The following SCARA3 variants were observed in gnomAD, a reference collection of about 807,000 sequenced individuals.
SCARA3 encodes the protein cellular stress response gene protein.
Under a neutral mutation model 47.0 loss-of-function variants are expected in SCARA3, and 39 were observed. The ratio of observed to expected loss-of-function variants is 0.83; its 90% CI spans 0.64 to 1.08. SCARA3 has a LOEUF of 1.08. SCARA3 is among the 50% of genes least tolerant of loss of function. The pLI is 0.00. For missense variants in SCARA3, 724 were observed against 792.3 expected, an observed-to-expected ratio of 0.91 and a Z score of 1.04; for synonymous variants, 356 against 334.1, an observed-to-expected ratio of 1.07 and a Z score of -0.71.
intron 3 of SCARA3, among the ~76,000 whole-genome samples, chr8:27,652,397 C>G (rs978169977): frequency 2.0e-5 from 3 of 152,196 alleles, no homozygotes; most frequent in Admixed American, 1.3e-4. Flanking sequence ...CCATTCCACT[C>G]TTAGCTTCAA....
chr8:27,658,447 C>T (rs192364291), intron 4 of SCARA3, 49 bp from the exon 5 acceptor site: 64 of 1,489,226 alleles, frequency 4.3e-5, no homozygotes, highest in Middle Eastern at 1.8e-4. Context: ...GAGGAAGCGT[C>T]GTACCCTGGC....
chr8:27,644,948 T>C (rs1418574678), intron 1 of SCARA3, among the ~76,000 whole-genome samples: 1 of 152,158 alleles, frequency 6.6e-6, no homozygotes, highest in African/African-American at 2.4e-5. Flanking sequence ...ACAAGAACCC[T>C]TGGAGCTTCA....
chr8:27,667,518 G>A (rs144412835), intron 5 of SCARA3, among the ~76,000 whole-genome samples: 208 of 152,362 alleles, frequency 1.4e-3, no homozygotes, highest in African/African-American at 4.9e-3. Context: ...ATGGGGGAAG[G>A]AGATTGGGTC....
chr8:27,688,407 A>C, the SCARA3 span, among the ~76,000 whole-genome samples: 1 of 152,036 alleles, frequency 6.6e-6, no homozygotes. Flanking sequence ...GGCAAAAAAA[A>C]AAAACCAGCC....
At chr8:27,703,027 A>G in the SCARA3 span, 1 of 152,420 alleles carries the variant, frequency 6.6e-6, no homozygotes, top group Admixed American at 6.5e-5. Flanking sequence ...CCCAGAGGCC[A>G]GCTGGCACCC....
At chr8:27,639,921 A>T (rs566857866) in intron 1 of SCARA3, among the ~76,000 whole-genome samples, 8 of 152,150 alleles carry the variant, frequency 5.3e-5, no homozygotes, top group African/African-American at 1.9e-4. Flanking sequence ...CAAGGGCCAG[A>T]GGGGCTGAGT....
the SCARA3 span, among the ~76,000 whole-genome samples, chr8:27,726,017 T>C: frequency 2.0e-5 from 3 of 152,220 alleles, no homozygotes; most frequent in Non-Finnish European, 2.9e-5. Context: ...GATGCATTCA[T>C]GCCCAGGCTT....
At position 27,671,753 on chromosome 8, in the gene SCARA3, G is replaced by A. The variant is rs532726955; in HGVS notation, c.*402G>A. The A allele has an allele frequency of 1.1e-3, 1,162 of 1,010,688 alleles. 1 individual carries two copies. The highest frequency in any genetic ancestry group is 2.1e-3 in the Admixed American group (36 of 16,910). 62.6% of individuals were successfully genotyped at this position (1,010,688 alleles called of 1,614,324 possible). ...ACACACATGCACACATATATGCACA[G>A]GCACACACATGTACGCACACACACA... On this transcript the variant is annotated 3_prime_UTR_variant, in exon 6 of 6. Coordinates refer to ENST00000301904, the MANE Select transcript of SCARA3 (RefSeq NM_016240.3).
intron 5 of SCARA3, among the ~76,000 whole-genome samples, chr8:27,661,096 G>C (rs1801905036): frequency 6.6e-6 from 1 of 152,162 alleles, no homozygotes; most frequent in Non-Finnish European, 1.5e-5. Context: ...AGGGCAATCT[G>C]CTTGACCCAG....
At chr8:27,667,049 T>G (rs968125207) in intron 5 of SCARA3, among the ~76,000 whole-genome samples, 2 of 152,134 alleles carry the variant, frequency 1.3e-5, no homozygotes, top group Non-Finnish European at 2.9e-5. Flanking sequence ...TGAAGTGCCT[T>G]CCCTCAGCTC....
intron 1 of SCARA3, among the ~76,000 whole-genome samples, chr8:27,641,014 A>T (rs1046362397): frequency 6.6e-6 from 1 of 152,194 alleles, no homozygotes; most frequent in Non-Finnish European, 1.5e-5. Flanking sequence ...TTTTTAAAAA[A>T]TGGTTTCATA....
chr8:27,692,843 G>T, the SCARA3 span, among the ~76,000 whole-genome samples: 73,487 of 151,854 alleles, frequency 0.48, 18,077 homozygotes, highest in Middle Eastern at 0.61. Context: ...TCTTAATCTA[G>T]GCCGGGTATG....
downstream of SCARA3, among the ~76,000 whole-genome samples, chr8:27,673,202 G>A (rs149979741): frequency 1.8e-3 from 280 of 152,354 alleles, 1 homozygote; most frequent in African/African-American, 5.9e-3. Context: ...GCGTCTGAGG[G>A]AATTACTCAG....
the SCARA3 span, among the ~76,000 whole-genome samples, chr8:27,728,909 A>G: frequency 2.0e-5 from 3 of 152,130 alleles, no homozygotes. Flanking sequence ...AGTGGTTAGT[A>G]AAGGTGGTTA....
Position 27,672,539 on chromosome 8 carries a change from C to G in SCARA3, c.*1188C>G. 1.0e-6 allele frequency: 1 copy of G among 985,806 alleles called. No individual in the cohort carries two copies. The highest frequency in any genetic ancestry group is 1.2e-6 in the Non-Finnish European group (1 of 830,226). The allele number at this position is 985,806 out of a possible 1,614,324, so 61.1% of individuals were successfully genotyped here. On this transcript the variant is annotated 3_prime_UTR_variant, in exon 6 of 6. Transcript: ENST00000301904. ...CTCCCGCACACGGCTCTCCTGATCA[C>G]AGCTGCATGCCGACCTTGTCCCACC...
At chr8:27,690,931 C>G in the SCARA3 span, among the ~76,000 whole-genome samples, 2 of 152,098 alleles carry the variant, frequency 1.3e-5, no homozygotes, top group Admixed American at 1.3e-4. Flanking sequence ...GATCCTCCCT[C>G]CTTAGACACC....
chr8:27,674,974 A>G (rs76075308), downstream of SCARA3, among the ~76,000 whole-genome samples: 12,660 of 151,894 alleles, frequency 0.083, 591 homozygotes, highest in East Asian at 0.22. Context: ...TGATCCATCC[A>G]CCTCAGCCTT....
At chr8:27,715,846 A>ATAGATAGATAGATAGATAGATAGG in the SCARA3 span, among the ~76,000 whole-genome samples, 3 of 145,082 alleles carry the variant, frequency 2.1e-5, no homozygotes, top group East Asian at 6.1e-4. The surrounding 1 kb of genome is among the most constrained non-coding windows in gnomAD (Gnocchi z 4.2). Context: ...AGATAGATAG[A>ATAGATAGATAGATAGATAGATAGG]TAGATAGATA....
chr8:27,681,373 A>G (rs138648425), downstream of SCARA3, among the ~76,000 whole-genome samples: 1 of 152,314 alleles, frequency 6.6e-6, no homozygotes, highest in African/African-American at 2.4e-5. Flanking sequence ...TATCACTTAC[A>G]TGATCAGCAA....
Sources: allele counts gnomAD v4.1 joint callset (sites outside exome capture counted in the v4.1 genomes callset), GRCh38; gene constraint gnomAD v4.1.1; non-coding constraint Gnocchi (gnomAD v3.1); transcripts MANE v1.5; gene names NCBI Gene and HGNC (gene_info 2026-07-23, HGNC 2026-07-21).